TOMM34: variants seen among roughly 807,000 people sequenced by gnomAD.
TOMM34 encodes translocase of outer mitochondrial membrane 34.
TOMM34 carries 24 observed loss-of-function variants against 37.4 expected under a neutral mutation model. The observed-to-expected ratio is 0.64, with a 90% confidence interval of 0.46 to 0.90. The LOEUF is 0.90. Among genes scored for constraint, TOMM34 ranks in the 40% least tolerant of loss-of-function variants. The pLI is 0.00. For missense variants in TOMM34, 304 were observed against 375.6 expected (o/e 0.81, Z 1.58); for synonymous variants, 154 against 148.9 (o/e 1.03, Z -0.25).
chr20:44,952,993 C>T (rs1224828160), intron 3 of TOMM34, among the ~76,000 whole-genome samples: 1 of 152,110 alleles, frequency 6.6e-6, no homozygotes. Context: ...GGTGCCCAAT[C>T]CTTCCTATTT....
At chr20:44,955,267 A>G in intron 2 of TOMM34, 47 bp from the exon 3 acceptor site, 1 of 1,602,082 alleles carries the variant, frequency 6.2e-7, no homozygotes, top group Non-Finnish European at 8.5e-7. Flanking sequence ...CTGAGCCACC[A>G]GGGTTTCCCT....
chr20:44,958,095 T>C (rs1470422847), intron 1 of TOMM34, among the ~76,000 whole-genome samples: 1 of 112,772 alleles, frequency 8.9e-6, no homozygotes, highest in Admixed American at 1.0e-4. Flanking sequence ...TATATATGTA[T>C]ATGTATATAT....
chr20:44,960,149 G>A, intron 1 of TOMM34, 58 bp downstream of exon 1: 3 of 1,511,752 alleles, frequency 2.0e-6, no homozygotes, highest in Non-Finnish European at 1.8e-6. Flanking sequence ...AGGCCCGGGC[G>A]GTGGTTGCGG....
At chr20:44,948,633 A>C in intron 5 of TOMM34, 97 bp downstream of exon 5, 1 of 1,455,482 alleles carries the variant, frequency 6.9e-7, no homozygotes, top group South Asian at 1.3e-5. Flanking sequence ...AACATACTTG[A>C]CTAAATGCTA....
intron 2 of TOMM34, 168 bp from the exon 3 acceptor site, chr20:44,955,388 A>T: frequency 6.6e-6 from 5 of 754,946 alleles, no homozygotes; most frequent in Non-Finnish European, 1.1e-5. Flanking sequence ...TTTTCAACGT[A>T]GACTGAAGTG....
chr20:44,950,085 C>T (rs946908238), intron 4 of TOMM34, among the ~76,000 whole-genome samples: 1 of 152,188 alleles, frequency 6.6e-6, no homozygotes, highest in Non-Finnish European at 1.5e-5. Context: ...CAGTCTTCTA[C>T]GAACATTTGT....
At chr20:44,944,901 TA>T (rs578105627) in intron 5 of TOMM34, among the ~76,000 whole-genome samples, 189 of 152,344 alleles carry the variant, frequency 1.2e-3, no homozygotes, top group African/African-American at 4.4e-3. Flanking sequence ...TAAGGGTTTT[TA>T]ATCTTTTGAA....
At position 44,948,820 on chromosome 20, in the gene TOMM34, A is replaced by T. The variant is rs778934240; in HGVS notation, c.608T>A (p.Leu203His). ...ARVLKEEGNELVKKGNHKKAI... is the reference protein window; with the variant it reads ...ARVLKEEGNEHVKKGNHKKAI... ...TTTCTTATGGTTTCCCTTCTTTACAAGCTCATTGCCTTCTTCCTTCAGAAC... is the reference window on the plus strand; with the variant it reads ...TTTCTTATGGTTTCCCTTCTTTACATGCTCATTGCCTTCTTCCTTCAGAAC... The change falls in exon 5 of 7, where the codon CTT becomes CAT. Residue 203 changes from leucine to histidine, a missense_variant. Leu to His is a moderately conservative substitution (Grantham distance 99, BLOSUM62 -3). Coordinates refer to ENST00000372813, the MANE Select transcript of TOMM34 (RefSeq NM_006809.5). 1.2e-6 allele frequency: 2 copies of T among 1,613,988 alleles called. No homozygotes were observed. The highest frequency in any genetic ancestry group is 1.7e-6 in the Non-Finnish European group (2 of 1,180,008).
chr20:44,957,934 C>A (rs1447927516), intron 1 of TOMM34, among the ~76,000 whole-genome samples: 1 of 152,098 alleles, frequency 6.6e-6, no homozygotes, highest in African/African-American at 2.4e-5. Flanking sequence ...TGAGCTATGG[C>A]ACCCAACCCT....
chr20:44,949,867 T>C (rs2067011684), intron 4 of TOMM34, among the ~76,000 whole-genome samples: 1 of 152,228 alleles, frequency 6.6e-6, no homozygotes, highest in Non-Finnish European at 1.5e-5. Flanking sequence ...GTTTACTTTG[T>C]TTTTGAACTT....
At chr20:44,959,815 G>A in intron 1 of TOMM34, 5 of 533,808 alleles carry the variant, frequency 9.4e-6, no homozygotes, top group Non-Finnish European at 1.2e-5. Context: ...TTTACTTACT[G>A]ACTCGCTTAA....
In TOMM34 at chr20:44,943,284, A is replaced by G. The variant is rs1250155624; in HGVS notation, c.826-71T>C. On this transcript the variant is annotated intron_variant, in intron 6 of 6. Transcript: ENST00000372813. ...GGGTGGGGATAGCTGCTGAGGCAGC[A>G]AAGTGTTTTCAAACCCCAGCCCACA... 2.6e-5 allele frequency: 41 copies of G among 1,601,812 alleles called. 2 individuals carry two copies. The South Asian group carries it at 4.1e-4, about 16-fold the overall frequency.
intron 5 of TOMM34, among the ~76,000 whole-genome samples, chr20:44,944,842 A>G (rs1568658187): frequency 6.6e-6 from 1 of 152,226 alleles, no homozygotes; most frequent in Non-Finnish European, 1.5e-5. Context: ...ATAAAACACT[A>G]TCTCACTGCC....
intron 1 of TOMM34, among the ~76,000 whole-genome samples, chr20:44,957,907 T>C (rs552388591): frequency 1.3e-5 from 2 of 152,272 alleles, no homozygotes; most frequent in Non-Finnish European, 2.9e-5. Context: ...CCTCCCAAAG[T>C]GTTGGGATTA....
intron 4 of TOMM34, among the ~76,000 whole-genome samples, chr20:44,951,257 A>C (rs1479198539): frequency 6.6e-6 from 1 of 152,174 alleles, no homozygotes; most frequent in East Asian, 1.9e-4. Flanking sequence ...TCTCTGGGTC[A>C]TGAGGCATGG....
intron 2 of TOMM34, among the ~76,000 whole-genome samples, chr20:44,955,976 C>A (rs1309458374): frequency 6.6e-6 from 1 of 151,990 alleles, no homozygotes; most frequent in Non-Finnish European, 1.5e-5. Context: ...CATTTTTTTC[C>A]TTTCTCCTTC....
intron 1 of TOMM34, among the ~76,000 whole-genome samples, chr20:44,956,759 A>ATAGC (rs1238187285): frequency 2.0e-5 from 3 of 152,176 alleles, no homozygotes; most frequent in Non-Finnish European, 4.4e-5. Context: ...TAAACAAGAA[A>ATAGC]TAGCTAGCTT....
At chr20:44,958,165 T>TGTG (rs60907421) in intron 1 of TOMM34, among the ~76,000 whole-genome samples, 2 of 151,566 alleles carry the variant, frequency 1.3e-5, no homozygotes, top group Admixed American at 1.3e-4. Flanking sequence ...TGTGTGTGTG[T>TGTG]TAACAGGAAA....
Position 44,955,078 on chromosome 20 carries a change from C to T in TOMM34, c.370G>A (p.Gly124Ser). The change falls in exon 3 of 7, where the codon GGC (glycine) becomes AGC (serine). Residue 124 changes from glycine to serine, a missense_variant. Transcript: ENST00000372813. The part of the protein sequence containing the change: ...IDDNVTSAVE[G>S]INRMTRALMD... The stretch of plus-strand genomic sequence containing the variant: ...GGGAATGGAGCTCACCTGTTGATGC[C>T]TTCTACGGCTGACGTCACATTATCA... The T allele has an allele frequency of 6.2e-7, 1 of 1,614,154 alleles. No individual in the cohort carries two copies.
Sources: allele counts gnomAD v4.1 joint callset (sites outside exome capture counted in the v4.1 genomes callset), GRCh38; gene constraint gnomAD v4.1.1; transcripts MANE v1.5; gene names NCBI Gene and HGNC (gene_info 2026-07-23, HGNC 2026-07-21).